The following RANBP2 variants were observed in gnomAD, a reference collection of about 807,000 sequenced individuals.
RANBP2 encodes RAN binding protein 2.
A neutral mutation model predicts 303.6 loss-of-function variants in RANBP2; 57 were observed. The observed-to-expected ratio is 0.19, with a 90% CI of 0.15 to 0.23. The LOEUF (loss-of-function observed/expected upper bound fraction) is 0.23, where lower values mean the gene tolerates loss of function less well. Among genes scored for constraint, RANBP2 ranks in the 10% least tolerant of loss-of-function variants. The pLI is 1.00. For missense variants in RANBP2, 3,138 were observed against 3,780.8 expected, an observed-to-expected ratio of 0.83 and a Z score of 4.46; for synonymous variants, 1,167 against 1,301.5, an observed-to-expected ratio of 0.90 and a Z score of 2.23.
chr2:109,695,072 T>C, the RANBP2 span, among the ~76,000 whole-genome samples: 1 of 152,184 alleles, frequency 6.6e-6, no homozygotes. Context: ...CATTATACTA[T>C]TGAGCCCACT....
chr2:109,060,711 A>G, the RANBP2 span, among the ~76,000 whole-genome samples: 1 of 152,230 alleles, frequency 6.6e-6, no homozygotes, highest in Non-Finnish European at 1.5e-5. Context: ...CACCAGCTCC[A>G]GGATGATCCA....
At chr2:109,583,895 C>A in the RANBP2 span, among the ~76,000 whole-genome samples, 9 of 152,222 alleles carry the variant, frequency 5.9e-5, no homozygotes, top group African/African-American at 2.2e-4. Context: ...AACAAAAAAC[C>A]AAATACCATA....
chr2:109,616,905 A>C, the RANBP2 span: 1 of 167,036 alleles, frequency 6.0e-6, no homozygotes, highest in Non-Finnish European at 1.5e-5. Context: ...TTTTGTTACT[A>C]TTCTAAAAGT....
At chr2:109,181,536 C>G in the RANBP2 span, among the ~76,000 whole-genome samples, 1 of 152,202 alleles carries the variant, frequency 6.6e-6, no homozygotes, top group Admixed American at 6.5e-5. Context: ...CCAAAAGTTT[C>G]TTTATCCTCT....
chr2:108,970,200 C>T, the RANBP2 span, among the ~76,000 whole-genome samples: 2 of 152,154 alleles, frequency 1.3e-5, no homozygotes, highest in South Asian at 4.1e-4. Context: ...CAGGCCCCTA[C>T]CCGAGGCCCA....
chr2:108,781,022 A>G (rs1573855031), intron 25 of RANBP2, among the ~76,000 whole-genome samples: 1 of 151,484 alleles, frequency 6.6e-6, no homozygotes, highest in Non-Finnish European at 1.5e-5. Flanking sequence ...TTTTTGTATT[A>G]TTAGTAGAGA....
the RANBP2 span, among the ~76,000 whole-genome samples, chr2:109,488,035 T>G: frequency 2.0e-4 from 30 of 152,278 alleles, no homozygotes; most frequent in African/African-American, 6.0e-4. Context: ...TCCTTTTCCT[T>G]TGGACAACGC....
the RANBP2 span, among the ~76,000 whole-genome samples, chr2:108,877,423 G>A: frequency 1.3e-5 from 2 of 152,200 alleles, no homozygotes; most frequent in East Asian, 1.9e-4. Flanking sequence ...CCAAGATCAC[G>A]CCATTGCACT....
the RANBP2 span, among the ~76,000 whole-genome samples, chr2:109,312,312 C>CT: frequency 1.3e-5 from 2 of 152,180 alleles, no homozygotes; most frequent in African/African-American, 2.4e-5. Flanking sequence ...TCGAGGTTGG[C>CT]TTGCTCCTCT....
At chr2:108,930,874 A>C in the RANBP2 span, 1 of 1,397,982 alleles carries the variant, frequency 7.2e-7, no homozygotes, top group Non-Finnish European at 1.0e-6. Context: ...TATGATCAGC[A>C]TTCCCATTTT....
chr2:109,258,873 G>A, the RANBP2 span, among the ~76,000 whole-genome samples: 3 of 152,214 alleles, frequency 2.0e-5, no homozygotes, highest in Admixed American at 6.5e-5. Flanking sequence ...TGGATTTGAC[G>A]AGAACACTCT....
chr2:109,195,588 C>G, the RANBP2 span, among the ~76,000 whole-genome samples: 1 of 152,248 alleles, frequency 6.6e-6, no homozygotes, highest in African/African-American at 2.4e-5. Flanking sequence ...GCTTCCCTTG[C>G]TGGAGCTATT....
the RANBP2 span, among the ~76,000 whole-genome samples, chr2:109,482,111 C>T: frequency 2.0e-5 from 3 of 152,116 alleles, no homozygotes; most frequent in African/African-American, 4.8e-5. Flanking sequence ...GTCCCGGGTT[C>T]GAATGCGGCT....
chr2:108,989,785 T>C, the RANBP2 span, among the ~76,000 whole-genome samples: 1 of 150,662 alleles, frequency 6.6e-6, no homozygotes, highest in Admixed American at 6.7e-5. Context: ...CTTTCAGTAT[T>C]GGGCAATTAT....
the RANBP2 span, among the ~76,000 whole-genome samples, chr2:109,474,072 C>T: frequency 0.079 from 12,041 of 152,042 alleles, 1,090 homozygotes; most frequent in African/African-American, 0.22. Context: ...TTTGGGGGTT[C>T]GTGGCTTCCA....
chr2:108,889,262 T>C, the RANBP2 span, among the ~76,000 whole-genome samples: 1 of 152,186 alleles, frequency 6.6e-6, no homozygotes, highest in Non-Finnish European at 1.5e-5. Context: ...TGAAAGAATG[T>C]ATATTCTGTA....
At chr2:109,383,060 G>T in the RANBP2 span, among the ~76,000 whole-genome samples, 1 of 152,238 alleles carries the variant, frequency 6.6e-6, no homozygotes, top group African/African-American at 2.4e-5. Flanking sequence ...GAGGAAACCG[G>T]TGTCAGATTC....
the RANBP2 span, among the ~76,000 whole-genome samples, chr2:109,456,520 A>C: frequency 6.6e-6 from 1 of 152,186 alleles, no homozygotes; most frequent in Non-Finnish European, 1.5e-5. Flanking sequence ...ACAGGCCCTC[A>C]GTGGGGCAGG....
chr2:108,837,724 T>A, the RANBP2 span, among the ~76,000 whole-genome samples: 1 of 152,234 alleles, frequency 6.6e-6, no homozygotes, highest in Non-Finnish European at 1.5e-5. Context: ...TACTGGTTTA[T>A]GTATTTACTA....
Sources: allele counts gnomAD v4.1 joint callset (sites outside exome capture counted in the v4.1 genomes callset), GRCh38; gene constraint gnomAD v4.1.1; transcripts MANE v1.5; gene names NCBI Gene and HGNC (gene_info 2026-07-23, HGNC 2026-07-21).